The following SPON1 variants were observed in gnomAD, a reference collection of about 807,000 sequenced individuals.
SPON1 encodes the protein spondin 1, also known as spondin-1.
In SPON1, 52 loss-of-function variants were observed where a neutral mutation model predicts 111.7. The observed-to-expected ratio is 0.47, with a 90% CI of 0.37 to 0.59. The LOEUF is 0.59. Among genes scored for constraint, SPON1 ranks in the 20% least tolerant of loss-of-function variants. The pLI, the probability that SPON1 is intolerant of heterozygous loss-of-function variation, is 0.00. For missense variants in SPON1, 957 were observed against 1,068.5 expected (o/e 0.90, Z 1.46); for synonymous variants, 410 against 395.8 (o/e 1.04, Z -0.43).
At chr11:14,060,259 C>A (rs1004975362) in intron 3 of SPON1, among the ~76,000 whole-genome samples, 2 of 152,102 alleles carry the variant, frequency 1.3e-5, no homozygotes, top group Non-Finnish European at 2.9e-5. Flanking sequence ...ATTTGCTAGG[C>A]TTTTGTACAT....
chr11:14,165,212 A>C (rs944202718), intron 6 of SPON1, among the ~76,000 whole-genome samples: 1 of 147,116 alleles, frequency 6.8e-6, no homozygotes, highest in Admixed American at 6.9e-5. Context: ...GGAGGTTAGA[A>C]GCAAGATGGA....
At chr11:14,102,471 G>C (rs1270684579) in intron 5 of SPON1, among the ~76,000 whole-genome samples, 2 of 151,988 alleles carry the variant, frequency 1.3e-5, no homozygotes, top group Admixed American at 6.5e-5. Context: ...ACACTTAACA[G>C]CACGTCTCAA....
At chr11:14,230,009 A>G (rs1358982137) in intron 6 of SPON1, among the ~76,000 whole-genome samples, 1 of 150,792 alleles carries the variant, frequency 6.6e-6, no homozygotes, top group Non-Finnish European at 1.5e-5. Context: ...CCTAGAACGG[A>G]CACCCTTTAG....
chr11:14,262,615 T>C, intron 14 of SPON1, 97 bp from the exon 15 acceptor site: 12 of 1,482,252 alleles, frequency 8.1e-6, no homozygotes, highest in Non-Finnish European at 1.1e-5. Flanking sequence ...GCACCTGCTT[T>C]GCATCCCTCA....
At chr11:14,223,651 C>G (rs1227562060) in intron 6 of SPON1, among the ~76,000 whole-genome samples, 1 of 152,116 alleles carries the variant, frequency 6.6e-6, no homozygotes, top group African/African-American at 2.4e-5. Context: ...CTGGGGCATA[C>G]CCCCTCACCA....
chr11:14,065,327 G>A (rs1219442706), intron 3 of SPON1, among the ~76,000 whole-genome samples: 4 of 152,206 alleles, frequency 2.6e-5, no homozygotes, highest in African/African-American at 9.7e-5. Context: ...GGCAAAGTGG[G>A]ACGAACTGCG....
rs531452004 is a variant in SPON1 at position 13,987,723 on chromosome 11, T to A, written c.345+4770T>A. 2.0e-5 allele frequency among the ~76,000 whole-genome samples: 3 copies of A among 152,336 alleles called. No homozygotes were observed. The South Asian group carries it at 6.2e-4, about 32-fold the overall frequency. On this transcript the variant is annotated intron_variant, in intron 2 of 15. Transcript: ENST00000576479. The stretch of plus-strand genomic sequence containing the variant: ...GTTTCTGATCCACCTTGAGCTGATT[T>A]TTGTATAAGGTGTAAGGAAGAGGTC...
At chr11:14,105,047 T>C (rs1554924765) in intron 5 of SPON1, among the ~76,000 whole-genome samples, 1 of 152,200 alleles carries the variant, frequency 6.6e-6, no homozygotes, top group East Asian at 1.9e-4. Flanking sequence ...TATTTGATGA[T>C]ACATGTTGAT....
chr11:14,095,158 G>A (rs1554923755), intron 5 of SPON1, among the ~76,000 whole-genome samples: 1 of 152,084 alleles, frequency 6.6e-6, no homozygotes, highest in African/African-American at 2.4e-5. Flanking sequence ...AATTTTAAGT[G>A]GGATTGCACT....
chr11:14,098,911 A>T (rs1474298674), intron 5 of SPON1, among the ~76,000 whole-genome samples: 1 of 152,244 alleles, frequency 6.6e-6, no homozygotes, highest in Non-Finnish European at 1.5e-5. Flanking sequence ...TGCAAGAGTG[A>T]AAGTGGTACA....
intron 2 of SPON1, among the ~76,000 whole-genome samples, chr11:14,030,764 AAGTT>A (rs1207246493): frequency 1.3e-5 from 2 of 152,228 alleles, no homozygotes; most frequent in Non-Finnish European, 2.9e-5. Context: ...GTGGGAATGT[AAGTT>A]AGTTTGTCCA....
chr11:14,122,983 G>C (rs1313235856), intron 5 of SPON1, among the ~76,000 whole-genome samples: 1 of 148,328 alleles, frequency 6.7e-6, no homozygotes, highest in East Asian at 2.0e-4. Context: ...ACCCAGGCTG[G>C]AATAGAGTGG....
chr11:14,218,754 G>A (rs1324388165), intron 6 of SPON1, among the ~76,000 whole-genome samples: 1 of 152,154 alleles, frequency 6.6e-6, no homozygotes, highest in Non-Finnish European at 1.5e-5. Flanking sequence ...CAGTCTCATG[G>A]CAGATCAGAC....
intron 6 of SPON1, among the ~76,000 whole-genome samples, chr11:14,156,812 C>T (rs35268706): frequency 0.067 from 10,124 of 152,008 alleles, 452 homozygotes; most frequent in Non-Finnish European, 0.094. Context: ...TGTAGATATG[C>T]GGCATTATTT....
intron 6 of SPON1, among the ~76,000 whole-genome samples, chr11:14,160,762 TTATATA>T (rs1158077913): frequency 2.3e-5 from 1 of 43,692 alleles, no homozygotes; most frequent in African/African-American, 9.6e-5. Context: ...TTATATATAT[TTATATA>T]TTTATATATA....
At chr11:14,080,572 A>T (rs2697833) in intron 5 of SPON1, among the ~76,000 whole-genome samples, 1 of 151,952 alleles carries the variant, frequency 6.6e-6, no homozygotes, top group Non-Finnish European at 1.5e-5. Context: ...AAATATTCCC[A>T]AAGTCATGCT....
At chr11:14,176,613 A>T (rs1638633057) in intron 6 of SPON1, among the ~76,000 whole-genome samples, 9 of 152,126 alleles carry the variant, frequency 5.9e-5, no homozygotes, top group Admixed American at 5.9e-4. Context: ...ACACCCCTCA[A>T]TGGGGCTACA....
intron 2 of SPON1, among the ~76,000 whole-genome samples, chr11:13,993,456 C>T (rs1848247221): frequency 6.6e-6 from 1 of 152,084 alleles, no homozygotes; most frequent in Non-Finnish European, 1.5e-5. Flanking sequence ...AATTATATTA[C>T]CAAAAACTGC....
chr11:13,982,018 C>A (rs113987880), intron 1 of SPON1, among the ~76,000 whole-genome samples: 2 of 152,312 alleles, frequency 1.3e-5, no homozygotes, highest in Non-Finnish European at 2.9e-5. Flanking sequence ...CTGCAGTAAA[C>A]TGTGGTCCAA....
Sources: gnomAD v4.1 joint callset for allele counts (sites outside exome capture counted in the v4.1 genomes callset) on GRCh38, gnomAD v4.1.1 for gene constraint, MANE v1.5 for transcripts, NCBI Gene and HGNC (gene_info 2026-07-23, HGNC 2026-07-21) for gene names.